The following MS4A4E variants were observed in gnomAD, a reference collection of about 807,000 sequenced individuals.
MS4A4E encodes membrane spanning 4-domains A4E.
Under a neutral mutation model 13.3 loss-of-function variants are expected in MS4A4E, and 23 were observed. That is an observed-to-expected ratio of 1.73 (90% CI 1.25 to 2.45). The LOEUF is 2.45. Among genes scored for constraint, MS4A4E ranks in the 30% most tolerant of loss-of-function variants. The pLI, the probability that MS4A4E is intolerant of heterozygous loss-of-function variation, is 0.00. For missense variants in MS4A4E, 144 were observed against 131.2 expected, an observed-to-expected ratio of 1.10 and a Z score of -0.48; for synonymous variants, 36 against 45.6, an observed-to-expected ratio of 0.79 and a Z score of 0.85.
intron 4 of MS4A4E, 48 bp from the exon 5 acceptor site, chr11:60,213,180 T>A (rs1233979808): frequency 2.0e-6 from 2 of 1,019,788 alleles, no homozygotes; most frequent in Non-Finnish European, 2.9e-6. Context: ...CATCCTCAGA[T>A]ATATCTCTGT....
intron 3 of MS4A4E, among the ~76,000 whole-genome samples, chr11:60,225,970 A>C (rs1470378822): frequency 6.6e-6 from 1 of 151,956 alleles, no homozygotes; most frequent in Non-Finnish European, 1.5e-5. Context: ...GAAAGGGGGA[A>C]TATCACTACA....
intron 3 of MS4A4E, among the ~76,000 whole-genome samples, chr11:60,220,613 C>CTTCTTGTTGGTGCTT (rs1217750223): frequency 6.6e-6 from 1 of 152,190 alleles, no homozygotes; most frequent in Admixed American, 6.5e-5. Flanking sequence ...GTAGCAAGCA[C>CTTCTTGTTGGTGCTT]ACTGGACTTA....
intron 8 of MS4A4E, among the ~76,000 whole-genome samples, chr11:60,203,805 G>A (rs2084010981): frequency 6.6e-6 from 1 of 152,106 alleles, no homozygotes; most frequent in African/African-American, 2.4e-5. Flanking sequence ...TGTAGCAAAA[G>A]AAGGCAAAGT....
At chr11:60,230,971 T>C (rs978727106) in intron 1 of MS4A4E, among the ~76,000 whole-genome samples, 5 of 152,154 alleles carry the variant, frequency 3.3e-5, no homozygotes, top group South Asian at 2.1e-4. Context: ...TGCCCTTTTA[T>C]TGGTAACATA....
intron 1 of MS4A4E, among the ~76,000 whole-genome samples, chr11:60,234,960 T>A (rs1298183005): frequency 1.3e-5 from 2 of 151,528 alleles, no homozygotes; most frequent in Non-Finnish European, 2.9e-5. Flanking sequence ...AGTGAAGGGA[T>A]GAAATACTCC....
intron 4 of MS4A4E, 64 bp downstream of exon 4, chr11:60,214,507 C>A: frequency 1.7e-6 from 2 of 1,184,906 alleles, no homozygotes; most frequent in South Asian, 1.6e-5. Context: ...CTGTTTTATA[C>A]CCTGGCAGAA....
At chr11:60,219,636 G>T (rs1275975550) in intron 3 of MS4A4E, among the ~76,000 whole-genome samples, 1 of 152,142 alleles carries the variant, frequency 6.6e-6, no homozygotes, top group Non-Finnish European at 1.5e-5. Context: ...AGGAGGCCAG[G>T]TCCTCTTAAA....
At position 60,201,021 on chromosome 11, in the gene MS4A4E, AC is replaced by A. The variant is rs536043099; in HGVS notation, c.*521del. ...GGGCGGCTGGCCGGGCAGAGGGCTG[AC>A]CCCCCCACCTCCCTCCCAGACGTGG... On this transcript the variant is annotated 3_prime_UTR_variant, in exon 9 of 9. Transcript: ENST00000651255. 4.2e-5 allele frequency among the ~76,000 whole-genome samples: 5 copies of A among 119,060 alleles called. No homozygotes were observed. The highest frequency in any genetic ancestry group is 8.9e-5 in the Admixed American group (1 of 11,274). The allele number at this position is 119,060 out of a possible 152,430, so 78.1% of individuals were successfully genotyped here.
intron 3 of MS4A4E, among the ~76,000 whole-genome samples, chr11:60,217,049 G>A (rs545639051): frequency 6.6e-6 from 1 of 152,200 alleles, no homozygotes; most frequent in East Asian, 1.9e-4. Flanking sequence ...ATTAAGGATG[G>A]AGTTCTTTTT....
chr11:60,206,834 C>T (rs1203839938), intron 6 of MS4A4E: 1 of 205,908 alleles, frequency 4.9e-6, no homozygotes, highest in Non-Finnish European at 1.1e-5. Context: ...AGAGTTTACT[C>T]TTTTCTTCTC....
At position 60,201,787 on chromosome 11, in the gene MS4A4E, G is replaced by C. The variant is rs1044323130; in HGVS notation, c.752C>G (p.Pro251Arg). The C allele has an allele frequency of 3.1e-5, 7 of 226,618 alleles. No homozygotes were observed. Among genetic ancestry groups the C allele is most frequent in the African/African-American group, 1.2e-4 (5 of 41,986 alleles). The allele number at this position is 226,618 out of a possible 1,614,324, so 14.0% of individuals were successfully genotyped here. A position where few individuals can be genotyped will look rare whatever the true frequency, so the allele number is the denominator to read the frequency against. ...AGGCTGCACTCTCGGCACTTTGGGAGGCCAAGGCAGGCGGCTGGGAGGTGG... is the reference window on the plus strand; with the variant it reads ...AGGCTGCACTCTCGGCACTTTGGGACGCCAAGGCAGGCGGCTGGGAGGTGG... ...QPPPPSRLPW[P>R]PKVPRVQPLP... The change falls in exon 9 of 9, where the codon CCT becomes CGT. Residue 251 changes from proline to arginine, a missense_variant. Coordinates refer to ENST00000651255, the MANE Select transcript of MS4A4E (RefSeq NM_001393391.1).
chr11:60,219,006 A>G (rs763426356), intron 3 of MS4A4E, among the ~76,000 whole-genome samples: 9 of 152,184 alleles, frequency 5.9e-5, no homozygotes, highest in Non-Finnish European at 1.2e-4. Context: ...GGATTAAAAG[A>G]TGGCCCACTG....
At chr11:60,242,742 C>T (rs2084566353) in intron 1 of MS4A4E, among the ~76,000 whole-genome samples, 1 of 152,120 alleles carries the variant, frequency 6.6e-6, no homozygotes, top group Admixed American at 6.5e-5. Context: ...TTTCTAACTC[C>T]CATCAACTGT....
intron 3 of MS4A4E, among the ~76,000 whole-genome samples, chr11:60,221,418 C>T (rs889001924): frequency 2.0e-5 from 3 of 152,006 alleles, no homozygotes; most frequent in Admixed American, 6.6e-5. Flanking sequence ...CCCCAGCCTG[C>T]ACTGATGGTC....
intron 1 of MS4A4E, among the ~76,000 whole-genome samples, chr11:60,234,148 G>T (rs987281761): frequency 2.0e-5 from 3 of 152,086 alleles, no homozygotes; most frequent in Non-Finnish European, 4.4e-5. Flanking sequence ...CACTGGTTTT[G>T]ATTTCACAGG....
At chr11:60,229,793 T>C (rs749018968) in intron 2 of MS4A4E, 119 bp downstream of exon 2, 37 of 931,184 alleles carry the variant, frequency 4.0e-5, no homozygotes, top group Non-Finnish European at 5.1e-5. Flanking sequence ...TAAATTCTGA[T>C]GTTACTAGGG....
chr11:60,207,628 C>A (rs1043953155), intron 6 of MS4A4E, among the ~76,000 whole-genome samples: 2 of 152,168 alleles, frequency 1.3e-5, no homozygotes, highest in Admixed American at 1.3e-4. Flanking sequence ...TTACTTTATT[C>A]TTTGGCTGAC....
chr11:60,225,940 G>A (rs2084336077), intron 3 of MS4A4E, among the ~76,000 whole-genome samples: 1 of 150,812 alleles, frequency 6.6e-6, no homozygotes, highest in Admixed American at 6.6e-5. Context: ...AGAGAGAGAG[G>A]ACACAGATTA....
chr11:60,234,660 T>C (rs1052950138), intron 1 of MS4A4E, among the ~76,000 whole-genome samples: 11 of 151,990 alleles, frequency 7.2e-5, no homozygotes, highest in East Asian at 1.9e-4. Context: ...ATAAGAACTG[T>C]AGAACTGCAG....
Sources: gnomAD v4.1 joint callset for allele counts (sites outside exome capture counted in the v4.1 genomes callset) on GRCh38, gnomAD v4.1.1 for gene constraint, MANE v1.5 for transcripts, NCBI Gene and HGNC (gene_info 2026-07-23, HGNC 2026-07-21) for gene names.